Variants in SYDE2 observed in about 807,000 individuals in gnomAD.
The protein encoded by SYDE2 is rho GTPase-activating protein SYDE2.
A neutral mutation model predicts 91.5 loss-of-function variants in SYDE2; 76 were observed. The observed-to-expected ratio is 0.83, with a 90% CI of 0.69 to 1.01. The LOEUF is 1.01. Among genes scored for constraint, SYDE2 ranks in the 50% least tolerant of loss-of-function variants. The pLI, the probability that SYDE2 is intolerant of heterozygous loss-of-function variation, is 0.00. For synonymous variants in SYDE2, 513 were observed against 506.4 expected (o/e 1.01, Z -0.18); for missense variants, 1,364 against 1,367.7 (o/e 1.00, Z 0.04).
rs2100639408 is a variant in SYDE2, at chr1:85,157,970, A to G, written c.*780T>C. 6.6e-6 allele frequency: 1 copy of G among 152,318 alleles called. No individual in the cohort carries two copies. Among genetic ancestry groups the G allele is most frequent in the Admixed American group, 6.5e-5 (1 of 15,290 alleles). 9.4% of individuals were successfully genotyped at this position (152,318 alleles called of 1,614,324 possible). A position where few individuals can be genotyped will look rare whatever the true frequency, so the allele number is the denominator to read the frequency against. ...TGTATAATTTCACTTTTATTTATAA[A>G]AAGATTTTCTTATAGCAGCATTTGC... On this transcript the variant is annotated 3_prime_UTR_variant, in exon 7 of 7. Transcript: ENST00000341460.
chr1:85,199,993 C>T (rs1658749536), intron 1 of SYDE2, among the ~76,000 whole-genome samples: 1 of 151,846 alleles, frequency 6.6e-6, no homozygotes, highest in Admixed American at 6.6e-5. Flanking sequence ...AATAGACACA[C>T]TGGTTTTTCG....
In SYDE2 at chr1:85,196,333, C is replaced by A. The variant is rs141519454; in HGVS notation, c.745+3919G>T. 2.0e-5 allele frequency among the ~76,000 whole-genome samples: 3 copies of A among 152,246 alleles called. No individual in the cohort carries two copies. The East Asian group carries it at 5.8e-4, about 29-fold the overall frequency. On this transcript the variant is annotated intron_variant, in intron 1 of 6. Coordinates refer to ENST00000341460, the MANE Select transcript of SYDE2 (RefSeq NM_032184.2). Reference sequence around the variant, plus strand: ...ACTGGGAGCAGAATCTCAGGTCCCACCCCACACCTATAGAATCTGCATTTC... The same window carrying A: ...ACTGGGAGCAGAATCTCAGGTCCCAACCCACACCTATAGAATCTGCATTTC...
intron 3 of SYDE2, 91 bp from the exon 4 acceptor site, chr1:85,178,363 T>C (rs1450191532): frequency 1.7e-6 from 2 of 1,156,568 alleles, no homozygotes; most frequent in Non-Finnish European, 2.4e-6. Flanking sequence ...CAATCAAATA[T>C]GTTCTGATGT....
At position 85,182,170 on chromosome 1, in the gene SYDE2, T is replaced by C; in HGVS notation, c.2472A>G (p.Lys824=). The C allele has an allele frequency of 6.2e-7, 1 of 1,605,610 alleles. No individual in the cohort carries two copies. The highest frequency in any genetic ancestry group is 8.5e-7 in the Non-Finnish European group (1 of 1,175,542). Residue 824 remains lysine (K), a synonymous_variant, in exon 3 of 7, where the codon AAA becomes AAG. Transcript: ENST00000341460. ...GGGGCACCATCAGTCCTATATTTTC[T>C]TTCTCTACAACTTTTTGAATATCAA... The part of the protein sequence containing the change: ...FGVDIQKVVE[K]ENIGLMVPLL...
At chr1:85,186,606 T>C (rs1570265367) in intron 2 of SYDE2, among the ~76,000 whole-genome samples, 3 of 152,120 alleles carry the variant, frequency 2.0e-5, no homozygotes, top group Admixed American at 2.0e-4. Context: ...GCTACCTGAC[T>C]TCAAACTATA....
intron 4 of SYDE2, among the ~76,000 whole-genome samples, chr1:85,176,915 A>T (rs1009135368): frequency 1.3e-5 from 2 of 152,168 alleles, no homozygotes; most frequent in South Asian, 2.1e-4. Flanking sequence ...TAAAACGACA[A>T]AAACAAATAT....
At chr1:85,170,116 T>C (rs997046592) in intron 4 of SYDE2, among the ~76,000 whole-genome samples, 5 of 147,122 alleles carry the variant, frequency 3.4e-5, no homozygotes, top group Non-Finnish European at 1.5e-5. Context: ...TCCCATCTCT[T>C]TTTTTTTTTT....
At position 85,160,107 on chromosome 1, in the gene SYDE2, C is replaced by T. The variant is rs188573894; in HGVS notation, c.3086-858G>A. ...GACAATTTAAAATGCTGACACATAG[C>T]TATTAAAGATTACCCATAATATCTT... is the stretch of plus-strand genomic sequence containing the variant. On this transcript the variant is annotated intron_variant, in intron 6 of 6. Coordinates refer to ENST00000341460, the MANE Select transcript of SYDE2 (RefSeq NM_032184.2). The T allele has an allele frequency of 2.0e-5, 20 of 984,432 alleles. No homozygotes were observed. The East Asian group carries it at 1.8e-3, about 90-fold the overall frequency. 61.0% of individuals were successfully genotyped at this position (984,432 alleles called of 1,614,324 possible). A position where few individuals can be genotyped will look rare whatever the true frequency, so the allele number is the denominator to read the frequency against.
Position 85,182,773 on chromosome 1 carries a change from A to G in SYDE2, c.1869T>C (p.Asp623=). 1 of 1,613,946 alleles carries G rather than the reference A, an allele frequency of 6.2e-7. No homozygotes were observed. The highest frequency in any genetic ancestry group is 8.5e-7 in the Non-Finnish European group (1 of 1,179,860). ...TAGTTGTAAGTTCAGGTGAGTCTCC[A>G]TCACTAAGGTAACCACCTTTGCAGG... ...KYSCKGGYLS[D]GDSPELTTKA... The change falls in exon 3 of 7, where the codon GAT becomes GAC. Residue 623 remains aspartate (D), a synonymous_variant. Coordinates refer to ENST00000341460, the MANE Select transcript of SYDE2 (RefSeq NM_032184.2).
intron 2 of SYDE2, 57 bp from the exon 3 acceptor site, chr1:85,183,257 T>G: frequency 6.9e-7 from 1 of 1,446,554 alleles, no homozygotes; most frequent in Non-Finnish European, 9.2e-7. Context: ...TTTCTTTTAT[T>G]CTTATTTTAT....
chr1:85,159,025 T>A lies in SYDE2; in HGVS notation c.3310A>T (p.Lys1104Ter). The change falls in exon 7 of 7, where the codon AAA (lysine) becomes TAA (stop). Residue 1104 changes from lysine (K) to a stop codon, truncating the protein, a stop_gained. Coordinates refer to ENST00000341460, the MANE Select transcript of SYDE2 (RefSeq NM_032184.2). LOFTEE classifies it high-confidence loss of function. ...TAATCCACATCATTTAAATTTTCTTTTGTATTTAAAAAGTAGTTTTCCCCA... is the reference window on the plus strand; with the variant it reads ...TAATCCACATCATTTAAATTTTCTTATGTATTTAAAAAGTAGTTTTCCCCA... ...SCGENYFLNT[K>*]ENLNDVDYDD... 1 of 780,820 alleles carries A rather than the reference T, an allele frequency of 1.3e-6. No individual in the cohort carries two copies. Among genetic ancestry groups the A allele is most frequent in the Non-Finnish European group, 2.4e-6 (1 of 417,972 alleles). The allele number at this position is 780,820 out of a possible 1,614,324, so 48.4% of individuals were successfully genotyped here.
intron 1 of SYDE2, among the ~76,000 whole-genome samples, chr1:85,195,281 A>G (rs2100694172): frequency 6.6e-6 from 1 of 152,280 alleles, no homozygotes; most frequent in Middle Eastern, 3.4e-3. Flanking sequence ...AAAGTATCTT[A>G]TGAACACTGT....
At chr1:85,155,799 T>C (rs555601302), downstream of SYDE2, among the ~76,000 whole-genome samples, 21 of 152,248 alleles carry the variant, frequency 1.4e-4, no homozygotes, top group African/African-American at 5.1e-4. Flanking sequence ...ATATACAATA[T>C]ACAAATAAAT....
At position 85,190,089 on chromosome 1, in the gene SYDE2, T is replaced by A; in HGVS notation, c.1409A>T (p.Glu470Val). 6.2e-7 allele frequency: 1 copy of A among 1,613,208 alleles called. No homozygotes were observed. Among genetic ancestry groups the A allele is most frequent in the Non-Finnish European group, 8.5e-7 (1 of 1,179,412 alleles). The stretch of plus-strand genomic sequence containing the variant: ...AGGAGATTTCAACATGGGACTGTCC[T>A]CCACCATTATACCTTCTTGTGTCTT... ...GHKTQEGIMV[E>V]DSPMLKSPFA... is the part of the protein sequence containing the mutation. The change falls in exon 2 of 7, where the codon GAG (glutamate) becomes GTG (valine). Residue 470 changes from glutamate (E) to valine (V), a missense_variant. Coordinates refer to ENST00000341460, the MANE Select transcript of SYDE2 (RefSeq NM_032184.2).
At chr1:85,165,931 T>G (rs1050017260) in intron 5 of SYDE2, among the ~76,000 whole-genome samples, 1 of 143,794 alleles carries the variant, frequency 7.0e-6, no homozygotes, top group East Asian at 2.1e-4. Flanking sequence ...TGGAGTACAG[T>G]AGCATGATCA....
chr1:85,177,069 G>T (rs374606832), intron 4 of SYDE2, among the ~76,000 whole-genome samples: 24 of 152,006 alleles, frequency 1.6e-4, no homozygotes, highest in African/African-American at 5.1e-4. Flanking sequence ...AATCTCTGTT[G>T]TCTCTTATTT....
In SYDE2 at chr1:85,157,363, TAC is replaced by T. The variant is rs2100638864; in HGVS notation, c.*1385_*1386del. The T allele has an allele frequency of 6.6e-6, 1 of 152,260 alleles. No homozygotes were observed. Among genetic ancestry groups the T allele is most frequent in the African/African-American group, 2.4e-5 (1 of 41,586 alleles). The allele number at this position is 152,260 out of a possible 1,614,324, so 9.4% of individuals were successfully genotyped here. A position where few individuals can be genotyped will look rare whatever the true frequency, so the allele number is the denominator to read the frequency against. Reference sequence around the variant, plus strand: ...CTGTGATTCTATAACATTGTATATATACTTAGCCAAAATAAGTTAATTTTTAA... The same window carrying T: ...CTGTGATTCTATAACATTGTATATATTTAGCCAAAATAAGTTAATTTTTAA... On this transcript the variant is annotated 3_prime_UTR_variant, in exon 7 of 7. Transcript: ENST00000341460.
chr1:85,155,065 A>T (rs916058439), downstream of SYDE2, among the ~76,000 whole-genome samples: 1 of 151,744 alleles, frequency 6.6e-6, no homozygotes, highest in Non-Finnish European at 1.5e-5. Flanking sequence ...AAAGAAAGAA[A>T]AAAAAAATAG....
intron 2 of SYDE2, among the ~76,000 whole-genome samples, chr1:85,188,451 T>C (rs1412897940): frequency 6.6e-6 from 1 of 152,222 alleles, no homozygotes; most frequent in Non-Finnish European, 1.5e-5. Context: ...ACTTCCTTTT[T>C]CTCTTAATAT....
Sources: gnomAD v4.1 joint callset for allele counts (sites outside exome capture counted in the v4.1 genomes callset) on GRCh38, gnomAD v4.1.1 for gene constraint, MANE v1.5 for transcripts, NCBI Gene and HGNC (gene_info 2026-07-23, HGNC 2026-07-21) for gene names.